The following MASTL variants were observed in gnomAD, a reference collection of about 807,000 sequenced individuals.
MASTL encodes the protein serine/threonine-protein kinase greatwall.
MASTL carries 54 observed loss-of-function variants against 82.5 expected under a neutral mutation model. The observed-to-expected ratio is 0.65, with a 90% CI of 0.53 to 0.82. The LOEUF (loss-of-function observed/expected upper bound fraction) is 0.82. Among genes scored for constraint, MASTL ranks in the 40% least tolerant of loss-of-function variants. The pLI is 0.00. For synonymous variants in MASTL, 323 were observed against 368.9 expected, an observed-to-expected ratio of 0.88 and a Z score of 1.43; for missense variants, 950 against 1,047.8, an observed-to-expected ratio of 0.91 and a Z score of 1.29.
At chr10:27,154,660 C>T (rs1371826800), upstream of MASTL, 5 of 226,412 alleles carry the variant, frequency 2.2e-5, no homozygotes, top group East Asian at 4.6e-4. Flanking sequence ...ACCTCTGCTC[C>T]CCGGGTTCAA....
intron 11 of MASTL, among the ~76,000 whole-genome samples, chr10:27,185,241 A>G (rs2058615766): frequency 6.6e-6 from 1 of 152,154 alleles, no homozygotes; most frequent in Non-Finnish European, 1.5e-5. Context: ...TAGAGTCAAA[A>G]CTGGAGCATT....
chr10:27,179,472 G>A (rs2058205542), intron 9 of MASTL, among the ~76,000 whole-genome samples: 1 of 152,140 alleles, frequency 6.6e-6, no homozygotes, highest in Non-Finnish European at 1.5e-5. Context: ...CAGGAGAATG[G>A]CGTGAACCCA....
intron 9 of MASTL, 58 bp downstream of exon 9, chr10:27,173,317 A>G (rs2058010140): frequency 1.9e-6 from 3 of 1,608,096 alleles, no homozygotes; most frequent in Non-Finnish European, 1.7e-6. Context: ...TTATCTTTCA[A>G]GGTTAAATTT....
rs1277534924 is a variant in MASTL, at chr10:27,155,458, C to T, written c.32C>T (p.Pro11Leu). The T allele has an allele frequency of 2.7e-5, 44 of 1,613,054 alleles. No individual in the cohort carries two copies. The highest frequency in any genetic ancestry group is 3.7e-5 in the Non-Finnish European group (44 of 1,179,724). MDPTAGSKKE[P>L]GGGAATEEGV... ...CCCACCGCGGGAAGCAAGAAGGAGC[C>T]TGGAGGAGGCGCGGCGACTGAGGAG... The change falls in exon 1 of 12, where the codon CCT becomes CTT. Residue 11 changes from proline (P) to leucine (L), a missense_variant. Transcript: ENST00000375940.
At chr10:27,161,331 A>G (rs2057564652) in intron 4 of MASTL, 149 bp downstream of exon 4, 1 of 576,570 alleles carries the variant, frequency 1.7e-6, no homozygotes, top group Non-Finnish European at 3.2e-6. Flanking sequence ...AACGTGGCAA[A>G]ACCCCATCTC....
rs760084609 is a variant in MASTL, at chr10:27,170,189, T to C, written c.1230T>C (p.Asn410=). The change falls in exon 8 of 12, where the codon AAT becomes AAC. Residue 410 remains asparagine (N), a synonymous_variant. Coordinates refer to ENST00000375940, the MANE Select transcript of MASTL (RefSeq NM_001172303.3). ...EAVELDVNNI[N]MDTDTSQLGF... is the part of the protein sequence containing the mutation. ...TAGAACTGGATGTAAATAATATAAA[T>C]ATGGACACTGACACAAGTCAGTTAG... 6 of 1,614,130 alleles carry C rather than the reference T, an allele frequency of 3.7e-6. No individual in the cohort carries two copies. The highest frequency in any genetic ancestry group is 5.1e-6 in the Non-Finnish European group (6 of 1,180,012).
At chr10:27,184,841 A>G (rs1974367) in intron 11 of MASTL, among the ~76,000 whole-genome samples, 103,639 of 151,900 alleles carry the variant, frequency 0.68, 35,533 homozygotes, top group Non-Finnish European at 0.7. Flanking sequence ...GATTACAGGC[A>G]TGAGCCATTA....
chr10:27,156,119 C>A (rs1258912039), intron 1 of MASTL, among the ~76,000 whole-genome samples: 1 of 152,200 alleles, frequency 6.6e-6, no homozygotes, highest in African/African-American at 2.4e-5. Flanking sequence ...ATTCCCCTGC[C>A]TCGGCCTCCC....
intron 9 of MASTL, among the ~76,000 whole-genome samples, chr10:27,174,015 A>G (rs2058028705): frequency 6.6e-6 from 1 of 152,146 alleles, no homozygotes; most frequent in African/African-American, 2.4e-5. Context: ...TTACCAGAAG[A>G]GTCAAGCCAG....
At position 27,173,296 on chromosome 10, in the gene MASTL, C is replaced by A. The variant is rs774611902; in HGVS notation, c.2266+37C>A. 3 of 1,611,618 alleles carry A rather than the reference C, an allele frequency of 1.9e-6. No homozygotes were observed. In the Admixed American group the frequency reaches 5.0e-5, roughly 27 times the overall value. On this transcript the variant is annotated intron_variant, in intron 9 of 11. Transcript: ENST00000375940. The stretch of plus-strand genomic sequence containing the variant: ...ATGTCTTGAGTTTTTGAAGTGTTAT[C>A]TATCACTACATTATCTTTCAAGGTT...
chr10:27,156,444 T>C (rs1167624439), intron 1 of MASTL, among the ~76,000 whole-genome samples: 1 of 152,246 alleles, frequency 6.6e-6, no homozygotes, highest in Non-Finnish European at 1.5e-5. Context: ...CTGTAGGCAC[T>C]GATAACTTTT....
At chr10:27,177,844 G>A (rs1015774733) in intron 9 of MASTL, 24 of 939,338 alleles carry the variant, frequency 2.6e-5, no homozygotes, top group East Asian at 1.2e-4. Flanking sequence ...AAAGTAATGC[G>A]GCAAAGCACA....
chr10:27,171,129 C>T (rs747152051), intron 8 of MASTL, 46 bp downstream of exon 8: 1 of 1,512,382 alleles, frequency 6.6e-7, no homozygotes, highest in African/African-American at 1.4e-5. Context: ...TTTAGAAAAA[C>T]TATGAAGACA....
intron 9 of MASTL, among the ~76,000 whole-genome samples, chr10:27,178,953 G>A (rs112475299): frequency 1.4e-3 from 211 of 152,124 alleles, no homozygotes; most frequent in African/African-American, 4.9e-3. Flanking sequence ...TATATGGCTC[G>A]CAGGTAAAAT....
intron 9 of MASTL, among the ~76,000 whole-genome samples, chr10:27,177,515 T>C (rs1341700963): frequency 6.6e-6 from 1 of 152,206 alleles, no homozygotes; most frequent in East Asian, 1.9e-4. Context: ...CATGACCTTC[T>C]TGATGCCCCT....
intron 9 of MASTL, among the ~76,000 whole-genome samples, chr10:27,178,722 G>T (rs918600520): frequency 2.6e-4 from 39 of 151,154 alleles, no homozygotes; most frequent in Admixed American, 2.0e-4. Flanking sequence ...TGGTAAAAGG[G>T]GCCTAATTTC....
At chr10:27,179,627 A>C (rs926128830) in intron 9 of MASTL, among the ~76,000 whole-genome samples, 1 of 152,340 alleles carries the variant, frequency 6.6e-6, no homozygotes, top group African/African-American at 2.4e-5. Flanking sequence ...TTATTTAGAA[A>C]TCAGTTTTAC....
intron 3 of MASTL, among the ~76,000 whole-genome samples, chr10:27,160,231 A>G (rs2057524861): frequency 7.8e-6 from 1 of 127,636 alleles, no homozygotes; most frequent in African/African-American, 3.0e-5. Context: ...TCCTGGGCCC[A>G]AGGGATCCTC....
rs199527702 is a variant in MASTL, at chr10:27,186,566, G to T, written c.*30G>T. 1 of 1,569,114 alleles carries T rather than the reference G, an allele frequency of 6.4e-7. No homozygotes were observed. Among genetic ancestry groups the T allele is most frequent in the African/African-American group, 1.3e-5 (1 of 74,464 alleles). On this transcript the variant is annotated 3_prime_UTR_variant, in exon 12 of 12. Transcript: ENST00000375940. The stretch of plus-strand genomic sequence containing the variant: ...AAAATTTTCCTTTTAGTCTAGCCTT[G>T]TGTTATAGAATGAACTTGCATAATT...
Sources: gnomAD v4.1 joint callset for allele counts (sites outside exome capture counted in the v4.1 genomes callset) on GRCh38, gnomAD v4.1.1 for gene constraint, MANE v1.5 for transcripts, NCBI Gene and HGNC (gene_info 2026-07-23, HGNC 2026-07-21) for gene names.